Variants in GPR39 observed in about 807,000 individuals in gnomAD.
GPR39 encodes the protein zinc sensing receptor.
In GPR39, 23 loss-of-function variants were observed where a neutral mutation model predicts 18.4. That is an observed-to-expected ratio of 1.25 (90% CI 0.90 to 1.77). The LOEUF is 1.77. Among genes scored for constraint, GPR39 ranks in the 40% most tolerant of loss-of-function variants. The pLI, the probability that GPR39 is intolerant of heterozygous loss-of-function variation, is 0.00. For missense variants in GPR39, 647 were observed against 602.4 expected (o/e 1.07, Z -0.78); for synonymous variants, 280 against 257.9 (o/e 1.09, Z -0.82).
At chr2:132,520,321 C>T (rs1679399172) in intron 1 of GPR39, among the ~76,000 whole-genome samples, 1 of 152,224 alleles carries the variant, frequency 6.6e-6, no homozygotes, top group Admixed American at 6.5e-5. Flanking sequence ...ATTTGTGTAA[C>T]CATCTGCCAT....
chr2:132,433,152 C>G (rs992039418), intron 1 of GPR39, among the ~76,000 whole-genome samples: 1 of 152,068 alleles, frequency 6.6e-6, no homozygotes, highest in Admixed American at 6.5e-5. Flanking sequence ...TTATTATTTA[C>G]TATCATAAAA....
intron 1 of GPR39, among the ~76,000 whole-genome samples, chr2:132,426,017 C>T (rs1680112687): frequency 6.6e-6 from 1 of 152,166 alleles, no homozygotes; most frequent in African/African-American, 2.4e-5. Context: ...TTTGATAATT[C>T]ACTATGTACC....
chr2:132,425,551 C>T (rs944444448), intron 1 of GPR39, among the ~76,000 whole-genome samples: 3 of 152,140 alleles, frequency 2.0e-5, no homozygotes, highest in African/African-American at 4.8e-5. Flanking sequence ...ATGCCTGGTC[C>T]ATAAGGTATA....
intron 1 of GPR39, among the ~76,000 whole-genome samples, chr2:132,640,839 A>T (rs1414737851): frequency 1.3e-5 from 2 of 152,224 alleles, no homozygotes; most frequent in Non-Finnish European, 2.9e-5. Context: ...ACGGTGTATC[A>T]TCTAGAACAA....
At chr2:132,474,027 A>C (rs1681080667) in intron 1 of GPR39, among the ~76,000 whole-genome samples, 1 of 152,200 alleles carries the variant, frequency 6.6e-6, no homozygotes, top group South Asian at 2.1e-4. Flanking sequence ...GGACAGGCAC[A>C]TGTGACTCAG....
intron 1 of GPR39, among the ~76,000 whole-genome samples, chr2:132,455,108 T>C (rs1176745336): frequency 1.3e-5 from 2 of 152,214 alleles, no homozygotes; most frequent in Non-Finnish European, 2.9e-5. Context: ...ACCTGTCTGG[T>C]CCTGGACTTT....
intron 1 of GPR39, among the ~76,000 whole-genome samples, chr2:132,430,368 G>C (rs138471116): frequency 5.9e-5 from 9 of 152,326 alleles, no homozygotes; most frequent in Non-Finnish European, 1.2e-4. Context: ...GGAAAGGCAG[G>C]CTGGGGGTGG....
At chr2:132,565,326 C>G (rs1188622389) in intron 1 of GPR39, among the ~76,000 whole-genome samples, 3 of 151,752 alleles carry the variant, frequency 2.0e-5, no homozygotes, top group Non-Finnish European at 2.9e-5. Context: ...TATGGACTCT[C>G]CCCTATGAAC....
At position 132,632,671 on chromosome 2, in the gene GPR39, T is replaced by G. The variant is rs561692371; in HGVS notation, c.857-12430T>G. 2.4e-4 allele frequency among the ~76,000 whole-genome samples: 36 copies of G among 152,304 alleles called. 1 individual carries two copies. In the South Asian group the frequency reaches 3.5e-3, roughly 15 times the overall value. The stretch of plus-strand genomic sequence containing the variant: ...CTATCCATGCCTCCACTTTTCTATT[T>G]GTATAAGCATTGAAATTCAGCAGTG... On this transcript the variant is annotated intron_variant, in intron 1 of 1. Transcript: ENST00000329321.
chr2:132,572,274 G>A (rs748093795), intron 1 of GPR39, among the ~76,000 whole-genome samples: 2 of 152,124 alleles, frequency 1.3e-5, no homozygotes, highest in Non-Finnish European at 2.9e-5. Context: ...AGACCCCAAA[G>A]TCATATGGGC....
chr2:132,588,489 A>AGGCTGGGGGCTGACTTGAT (rs1680770223), intron 1 of GPR39, among the ~76,000 whole-genome samples: 2 of 152,144 alleles, frequency 1.3e-5, no homozygotes, highest in Admixed American at 6.5e-5. Context: ...GAAAACATGG[A>AGGCTGGGGGCTGACTTGAT]GGCTGGGGGC....
In GPR39 at chr2:132,464,197, C is replaced by T. The variant is rs557164518; in HGVS notation, c.856+46299C>T. Among the ~76,000 whole-genome samples, 27 of 152,314 alleles carry T rather than the reference C, an allele frequency of 1.8e-4. No homozygotes were observed. The East Asian group carries it at 4.2e-3, about 24-fold the overall frequency. On this transcript the variant is annotated intron_variant, in intron 1 of 1. Coordinates refer to ENST00000329321, the MANE Select transcript of GPR39 (RefSeq NM_001508.3). ...ATCACATGAGCTTATCCATGACGAACGACATGCCCAACACTGAGCCATCAT... is the reference window on the plus strand; with the variant it reads ...ATCACATGAGCTTATCCATGACGAATGACATGCCCAACACTGAGCCATCAT...
chr2:132,419,796 A>C (rs1679974701), intron 1 of GPR39, among the ~76,000 whole-genome samples: 1 of 152,154 alleles, frequency 6.6e-6, no homozygotes, highest in African/African-American at 2.4e-5. Flanking sequence ...GGGGGTAGAT[A>C]AGCATTAGCA....
chr2:132,603,388 A>G (rs1681079220), intron 1 of GPR39, among the ~76,000 whole-genome samples: 1 of 152,160 alleles, frequency 6.6e-6, no homozygotes. Flanking sequence ...GGAGGAGAGG[A>G]TCTGGAGAAG....
At chr2:132,440,674 A>G (rs547517471) in intron 1 of GPR39, among the ~76,000 whole-genome samples, 1 of 152,330 alleles carries the variant, frequency 6.6e-6, no homozygotes, top group African/African-American at 2.4e-5. Flanking sequence ...TGTGGAAGGA[A>G]GGAACTCATG....
chr2:132,605,150 C>G (rs1200636878), intron 1 of GPR39, among the ~76,000 whole-genome samples: 1 of 152,150 alleles, frequency 6.6e-6, no homozygotes, highest in African/African-American at 2.4e-5. Flanking sequence ...CCTCAGACAG[C>G]CCGACACCAG....
chr2:132,646,058 G>C lies in GPR39; in HGVS notation c.*452G>C, dbSNP rs1180689577. ...TCTCCTTCAGCTTCAGCAGTGTGCC[G>C]AGAAGAGGGCTAATTTGAGGAACAG... is the stretch of plus-strand genomic sequence containing the variant. On this transcript the variant is annotated 3_prime_UTR_variant, in exon 2 of 2. Coordinates refer to ENST00000329321, the MANE Select transcript of GPR39 (RefSeq NM_001508.3). The C allele has an allele frequency of 2.5e-6, 4 of 1,576,694 alleles. No individual in the cohort carries two copies. The highest frequency in any genetic ancestry group is 4.6e-5 in the East Asian group (2 of 43,718).
intron 1 of GPR39, among the ~76,000 whole-genome samples, chr2:132,532,210 T>C (rs1206480065): frequency 1.3e-5 from 2 of 152,150 alleles, no homozygotes; most frequent in Admixed American, 6.5e-5. Context: ...GAGAATACTA[T>C]AAACAGCTCT....
chr2:132,426,767 G>T (rs529100828), intron 1 of GPR39, among the ~76,000 whole-genome samples: 1 of 152,192 alleles, frequency 6.6e-6, no homozygotes, highest in East Asian at 1.9e-4. Flanking sequence ...TTTGCACACC[G>T]CAAAGGTGGC....
Sources: allele counts gnomAD v4.1 joint callset (sites outside exome capture counted in the v4.1 genomes callset), GRCh38; gene constraint gnomAD v4.1.1; transcripts MANE v1.5; gene names NCBI Gene and HGNC (gene_info 2026-07-23, HGNC 2026-07-21).